The following FYB2 variants were observed in gnomAD, a reference collection of about 807,000 sequenced individuals.
FYB2 encodes the protein FYN-binding protein 2.
A neutral mutation model predicts 94.1 loss-of-function variants in FYB2; 103 were observed. The observed-to-expected ratio is 1.09, with a 90% confidence interval of 0.93 to 1.29. The LOEUF is 1.29. Among genes scored for constraint, FYB2 ranks in the 50% most tolerant of loss-of-function variants. The pLI, the probability that FYB2 is intolerant of heterozygous loss-of-function variation, is 0.00. For missense variants in FYB2, 896 were observed against 841.5 expected (o/e 1.06, Z -0.80); for synonymous variants, 293 against 287.9 (o/e 1.02, Z -0.18).
At chr1:56,767,319 G>T (rs561645562) in intron 5 of FYB2, among the ~76,000 whole-genome samples, 114 of 152,306 alleles carry the variant, frequency 7.5e-4, no homozygotes, top group Non-Finnish European at 1.4e-3. Flanking sequence ...TGTCAGCAAT[G>T]CCAGAGGCAG....
chr1:56,723,749 A>G, intron 16 of FYB2, 68 bp from the exon 17 acceptor site: 1 of 839,338 alleles, frequency 1.2e-6, no homozygotes, highest in Non-Finnish European at 1.9e-6. Context: ...TGAGCCTACG[A>G]AGTCACTTCA....
rs756827633 is a variant in FYB2, at chr1:56,737,115, C to A, written c.1765G>T (p.Asp589Tyr). 1.9e-6 allele frequency: 3 copies of A among 1,606,584 alleles called. No individual in the cohort carries two copies. The highest frequency in any genetic ancestry group is 2.6e-6 in the Non-Finnish European group (3 of 1,175,240). Residue 589 changes from aspartate to tyrosine, a missense_variant, in exon 15 of 20, where the codon GAT (aspartate) becomes TAT (tyrosine). Asp to Tyr is a radical substitution (Grantham distance 160). Coordinates refer to ENST00000343433, the MANE Select transcript of FYB2 (RefSeq NM_001004303.5). The stretch of plus-strand genomic sequence containing the variant: ...GACTCTTTTTCACTCAGGTCTACAT[C>A]ATCATAAATAATAACTTCCTGAGAC... ...LKSQEVIIYD[D>Y]VDLSEKESKD...
intron 13 of FYB2, 46 bp from the exon 14 acceptor site, chr1:56,738,699 G>A (rs1644885037): frequency 6.3e-7 from 1 of 1,586,050 alleles, no homozygotes. Context: ...AAAAAACCAT[G>A]TTTGGAAAGA....
intron 9 of FYB2, among the ~76,000 whole-genome samples, chr1:56,745,748 T>C (rs1316380663): frequency 6.6e-6 from 1 of 151,976 alleles, no homozygotes; most frequent in Non-Finnish European, 1.5e-5. Context: ...AAGCTTTCAG[T>C]GGTTTTAAAA....
intron 4 of FYB2, among the ~76,000 whole-genome samples, chr1:56,780,242 C>A (rs751775450): frequency 6.6e-6 from 1 of 152,132 alleles, no homozygotes; most frequent in Non-Finnish European, 1.5e-5. Context: ...CATCTGAATG[C>A]CACTGAAGAG....
At chr1:56,738,225 A>G (rs1644873126) in intron 14 of FYB2, among the ~76,000 whole-genome samples, 3 of 152,112 alleles carry the variant, frequency 2.0e-5, no homozygotes, top group Admixed American at 2.0e-4. Flanking sequence ...ATATTCAGTT[A>G]GTGTCTTAAT....
At chr1:56,826,284 C>A in the FYB2 span, among the ~76,000 whole-genome samples, 1 of 152,174 alleles carries the variant, frequency 6.6e-6, no homozygotes, top group Admixed American at 6.5e-5. Context: ...CCTGATTGAT[C>A]TTCCCAAGAC....
At chr1:56,726,345 C>T in intron 16 of FYB2, 152 bp downstream of exon 16, 1 of 596,516 alleles carries the variant, frequency 1.7e-6, no homozygotes, top group Non-Finnish European at 2.8e-6. Flanking sequence ...TTTTAATCCT[C>T]TCAACTGTAC....
chr1:56,792,664 G>C lies in FYB2; in HGVS notation c.149C>G (p.Ala50Gly), dbSNP rs1240185647. 24 of 1,613,980 alleles carry C rather than the reference G, an allele frequency of 1.5e-5. No individual in the cohort carries two copies. The Admixed American group carries it at 3.8e-4, about 26-fold the overall frequency. ...IGGTQSTQIL[A>G]NGKPLSSNHK... The stretch of plus-strand genomic sequence containing the variant: ...GTTGGATGAGAGGGGTTTCCCATTG[G>C]CCAAAATTTGAGTTGACTGTGTGCC... The change falls in exon 2 of 20, where the codon GCC becomes GGC. Residue 50 changes from alanine to glycine, a missense_variant. Coordinates refer to ENST00000343433, the MANE Select transcript of FYB2 (RefSeq NM_001004303.5).
At chr1:56,733,748 T>C (rs1349193561) in intron 15 of FYB2, among the ~76,000 whole-genome samples, 1 of 152,178 alleles carries the variant, frequency 6.6e-6, no homozygotes, top group Non-Finnish European at 1.5e-5. Context: ...AATCCTGAGT[T>C]CTAATTTGAT....
chr1:56,788,080 A>G (rs1646172679), intron 3 of FYB2, among the ~76,000 whole-genome samples: 1 of 152,184 alleles, frequency 6.6e-6, no homozygotes, highest in Non-Finnish European at 1.5e-5. Context: ...TCAAGCTCCA[A>G]CTCAGACCAA....
chr1:56,817,081 T>C (rs1278628870), intron 1 of FYB2, among the ~76,000 whole-genome samples: 1 of 152,154 alleles, frequency 6.6e-6, no homozygotes, highest in African/African-American at 2.4e-5. Context: ...AGATGATCCT[T>C]TTAAAATGTA....
At chr1:56,735,313 A>G (rs551357677) in intron 15 of FYB2, among the ~76,000 whole-genome samples, 9 of 152,126 alleles carry the variant, frequency 5.9e-5, no homozygotes, top group Non-Finnish European at 1.2e-4. Context: ...TCACAGCAAC[A>G]TGGATAGAAG....
chr1:56,746,605 T>C (rs1645073049), intron 9 of FYB2, among the ~76,000 whole-genome samples: 1 of 152,070 alleles, frequency 6.6e-6, no homozygotes, highest in South Asian at 2.1e-4. Context: ...TTTGTGAGAT[T>C]CATCAATATT....
intron 6 of FYB2, among the ~76,000 whole-genome samples, chr1:56,758,071 G>A (rs1230923208): frequency 6.6e-6 from 1 of 151,682 alleles, no homozygotes; most frequent in Admixed American, 6.6e-5. Context: ...GAGCCACTAT[G>A]CCTGGCCAAG....
intron 4 of FYB2, among the ~76,000 whole-genome samples, chr1:56,773,625 G>A (rs1645811213): frequency 6.6e-6 from 1 of 152,152 alleles, no homozygotes; most frequent in Non-Finnish European, 1.5e-5. Context: ...GTGCCACACT[G>A]CATGATGATG....
chr1:56,757,562 C>T (rs1461238367), intron 6 of FYB2, among the ~76,000 whole-genome samples: 2 of 152,094 alleles, frequency 1.3e-5, no homozygotes, highest in Admixed American at 6.6e-5. Flanking sequence ...ACTGCAGATA[C>T]AGTAACCACA....
chr1:56,816,445 G>T (rs1646883863), intron 1 of FYB2, among the ~76,000 whole-genome samples: 1 of 152,110 alleles, frequency 6.6e-6, no homozygotes, highest in Non-Finnish European at 1.5e-5. Context: ...AGGTAGATGG[G>T]GTATGACCTT....
intron 1 of FYB2, among the ~76,000 whole-genome samples, chr1:56,797,204 G>T (rs1646420749): frequency 6.6e-6 from 1 of 152,112 alleles, no homozygotes; most frequent in Non-Finnish European, 1.5e-5. Flanking sequence ...TGATGTATAT[G>T]AGAAGCAGCA....
Sources: gnomAD v4.1 joint callset for allele counts (sites outside exome capture counted in the v4.1 genomes callset) on GRCh38, gnomAD v4.1.1 for gene constraint, MANE v1.5 for transcripts, NCBI Gene and HGNC (gene_info 2026-07-23, HGNC 2026-07-21) for gene names.